FUBP1: variants seen among roughly 807,000 people sequenced by gnomAD.
The protein encoded by FUBP1 is far upstream element binding protein 1, also known as far upstream element-binding protein 1.
A neutral mutation model predicts 94.9 loss-of-function variants in FUBP1; 16 were observed. That is an observed-to-expected ratio of 0.17 (90% CI 0.11 to 0.26). The LOEUF (loss-of-function observed/expected upper bound fraction) is 0.26, where lower values mean the gene tolerates loss of function less well. Among genes scored for constraint, FUBP1 ranks in the 10% least tolerant of loss-of-function variants. The pLI, the probability that FUBP1 is intolerant of heterozygous loss-of-function variation, is 1.00. For synonymous variants in FUBP1, 279 were observed against 254.9 expected (o/e 1.09, Z -0.90); for missense variants, 583 against 808.6 (o/e 0.72, Z 3.38).
At chr1:77,963,166 A>T (rs3767025) in intron 13 of FUBP1, among the ~76,000 whole-genome samples, 1 of 152,046 alleles carries the variant, frequency 6.6e-6, no homozygotes, top group South Asian at 2.1e-4. Flanking sequence ...TTAAACATAA[A>T]CTTAATGTGA....
At chr1:77,974,325 G>C (rs1658196014) in intron 1 of FUBP1, among the ~76,000 whole-genome samples, 1 of 151,880 alleles carries the variant, frequency 6.6e-6, no homozygotes. Context: ...GTAGAGACGG[G>C]GTTTCACCGT....
At chr1:77,976,006 C>G (rs549652506) in intron 1 of FUBP1, among the ~76,000 whole-genome samples, 20 of 152,288 alleles carry the variant, frequency 1.3e-4, no homozygotes, top group African/African-American at 4.8e-4. Context: ...TAACAACTAT[C>G]CAGCTAAAAA....
At position 77,954,670 on chromosome 1, in the gene FUBP1, C is replaced by T. The variant is rs1416289949; in HGVS notation, c.1780+585G>A. ...GCTAGTGAAGGATAACCAAGCTTAC[C>T]AATTTAGCTTTCATTTGTGACATCT... is the stretch of plus-strand genomic sequence containing the variant. On this transcript the variant is annotated intron_variant, in intron 18 of 19. Coordinates refer to ENST00000370768, the MANE Select transcript of FUBP1 (RefSeq NM_003902.5). 2.6e-5 allele frequency among the ~76,000 whole-genome samples: 4 copies of T among 152,126 alleles called. No individual in the cohort carries two copies. In the East Asian group the frequency reaches 7.7e-4, roughly 29 times the overall value.
At position 77,947,881 on chromosome 1, in the gene FUBP1, A is replaced by G. The variant is rs965911591; in HGVS notation, c.*885T>C. ...TGCACACTATTCACTTTTCTATCCT[A>G]AATTTAGAAAGAAACACACTAACAT... On this transcript the variant is annotated 3_prime_UTR_variant, in exon 20 of 20. Coordinates refer to ENST00000370768, the MANE Select transcript of FUBP1 (RefSeq NM_003902.5). The G allele has an allele frequency of 2.3e-5, 25 of 1,079,038 alleles. No homozygotes were observed. The highest frequency in any genetic ancestry group is 2.5e-5 in the Non-Finnish European group (22 of 875,210). 66.8% of individuals were successfully genotyped at this position (1,079,038 alleles called of 1,614,324 possible).
chr1:77,947,623 A>C lies in FUBP1; in HGVS notation c.*1143T>G. On this transcript the variant is annotated 3_prime_UTR_variant, in exon 20 of 20. Coordinates refer to ENST00000370768, the MANE Select transcript of FUBP1 (RefSeq NM_003902.5). ...ATATATTAATATGCAAAGAGCCAAC[A>C]AATATGCAAAGAGTAAAACAATGGA... The C allele has an allele frequency of 4.3e-6, 4 of 926,496 alleles. No homozygotes were observed. In the South Asian group the frequency reaches 5.5e-5, roughly 13 times the overall value. 57.4% of individuals were successfully genotyped at this position (926,496 alleles called of 1,614,324 possible). A position where few individuals can be genotyped will look rare whatever the true frequency, so the allele number is the denominator to read the frequency against.
rs575218304 is a variant in FUBP1, at chr1:77,976,194, G to A, written c.120+2691C>T. Among the ~76,000 whole-genome samples the A allele has an allele frequency of 3.3e-5, 5 of 152,292 alleles. No individual in the cohort carries two copies. In the East Asian group the frequency reaches 9.6e-4, roughly 29 times the overall value. On this transcript the variant is annotated intron_variant, in intron 1 of 19. Transcript: ENST00000370768. ...AATATTCTCTTAAATACACAAGGAG[G>A]AAGTAGTTCAGATATTAACCTAACT...
chr1:77,963,998 AT>A, intron 12 of FUBP1, 63 bp downstream of exon 12: 1 of 1,000,774 alleles, frequency 1.0e-6, no homozygotes, highest in Non-Finnish European at 1.6e-6. Flanking sequence ...GTAACTTCAG[AT>A]TTCATGAAGG....
intron 1 of FUBP1, among the ~76,000 whole-genome samples, chr1:77,971,252 G>A (rs1456318902): frequency 2.0e-5 from 3 of 152,176 alleles, no homozygotes; most frequent in Non-Finnish European, 4.4e-5. Flanking sequence ...TTATTGATGT[G>A]TGATGGGCTC....
intron 1 of FUBP1, among the ~76,000 whole-genome samples, chr1:77,977,813 G>A (rs1658973626): frequency 6.6e-6 from 1 of 152,152 alleles, no homozygotes; most frequent in Non-Finnish European, 1.5e-5. Context: ...AAAAGTACAG[G>A]TACATGTTTA....
Position 77,944,146 on chromosome 1 carries a change from C to G in FUBP1, c.*4620G>C, listed in dbSNP as rs936967626. The G allele has an allele frequency of 1.0e-5, 2 of 192,918 alleles. No homozygotes were observed. The highest frequency in any genetic ancestry group is 2.2e-5 in the Non-Finnish European group (2 of 92,226). 12.0% of individuals were successfully genotyped at this position (192,918 alleles called of 1,614,324 possible). ...CCTTTTACATACAATGTCATTAAAG[C>G]AAACTCTAAACCACAGTTGTAAAGT... is the stretch of plus-strand genomic sequence containing the variant. On this transcript the variant is annotated 3_prime_UTR_variant, in exon 20 of 20. Coordinates refer to ENST00000370768, the MANE Select transcript of FUBP1 (RefSeq NM_003902.5).
intron 1 of FUBP1, among the ~76,000 whole-genome samples, chr1:77,975,430 G>A (rs1037528025): frequency 6.6e-6 from 1 of 152,016 alleles, no homozygotes; most frequent in African/African-American, 2.4e-5. Context: ...AAAAAAAACA[G>A]CTCTAGTCTA....
chr1:77,961,799 C>T (rs1655527391), intron 14 of FUBP1, among the ~76,000 whole-genome samples: 1 of 152,190 alleles, frequency 6.6e-6, no homozygotes, highest in Non-Finnish European at 1.5e-5. Context: ...GAGTGCTATT[C>T]ATTTTTTTGC....
Position 77,979,034 on chromosome 1 carries a change from T to C in FUBP1, c.-30A>G. ...GCACTATAAGAGCCGCTGCCGCCTG[T>C]TCAGAGACTTCCTCTCAGCTAACAG... On this transcript the variant is annotated 5_prime_UTR_variant, in exon 1 of 20. Transcript: ENST00000370768. 1.9e-6 allele frequency: 3 copies of C among 1,580,202 alleles called. No homozygotes were observed. In the African/African-American group the frequency reaches 4.1e-5, roughly 21 times the overall value.
intron 3 of FUBP1, 114 bp from the exon 4 acceptor site, chr1:77,967,780 C>A: frequency 1.5e-6 from 1 of 659,428 alleles, no homozygotes; most frequent in Non-Finnish European, 2.5e-6. Flanking sequence ...GCACAGACAA[C>A]ACCTTGAAGA....
At chr1:77,968,061 T>C (rs1656848201) in intron 3 of FUBP1, 104 bp downstream of exon 3, 5 of 690,346 alleles carry the variant, frequency 7.2e-6, no homozygotes, top group African/African-American at 1.9e-5. Context: ...TGATCCAAAA[T>C]ACTCATAAAC....
intron 1 of FUBP1, among the ~76,000 whole-genome samples, chr1:77,972,594 C>CAAAAA (rs59360608): frequency 3.3e-5 from 4 of 122,204 alleles, no homozygotes; most frequent in African/African-American, 1.2e-4. Flanking sequence ...ACTAAAAATA[C>CAAAAA]AAAAAAAAAA....
intron 7 of FUBP1, among the ~76,000 whole-genome samples, chr1:77,966,100 G>A (rs144640479): frequency 8.6e-4 from 131 of 152,350 alleles, no homozygotes; most frequent in Admixed American, 5.6e-3. Flanking sequence ...CCTTCAGTAG[G>A]AAGAAAGGGC....
chr1:77,960,465 G>C lies in FUBP1; in HGVS notation c.1375C>G (p.Pro459Ala), dbSNP rs1448786217. Residue 459 changes from proline (P) to alanine (A), a missense_variant, in exon 15 of 20, where the codon CCC (proline) becomes GCC (alanine). Physicochemically the swap from Pro to Ala is conservative, Grantham distance 27. Transcript: ENST00000370768. ...GPVNPLGPPV[P>A]HGPHGVPGPH... ...CCTGGGACACCATGGGGCCCATGGG[G>C]TACAGGTGGCCCTAAAGGATTTACT... The C allele has an allele frequency of 6.3e-7, 1 of 1,599,172 alleles. No homozygotes were observed. The highest frequency in any genetic ancestry group is 2.2e-4 in the Middle Eastern group (1 of 4,504).
chr1:77,966,822 TAA>T (rs200892659), intron 6 of FUBP1, 60 bp downstream of exon 6: 1,897 of 1,047,444 alleles, frequency 1.8e-3, no homozygotes, highest in Non-Finnish European at 2.3e-3. Context: ...CTAGAAGGCT[TAA>T]AAAAAAAAAA....
Sources: gnomAD v4.1 joint callset for allele counts (sites outside exome capture counted in the v4.1 genomes callset) on GRCh38, gnomAD v4.1.1 for gene constraint, MANE v1.5 for transcripts, NCBI Gene and HGNC (gene_info 2026-07-23, HGNC 2026-07-21) for gene names.